Variants in ZFAT observed in about 807,000 individuals in gnomAD.
The protein encoded by ZFAT is zinc finger and AT-hook domain containing, also known as zinc finger protein ZFAT.
ZFAT carries 64 observed loss-of-function variants against 117.7 expected under a neutral mutation model. The observed-to-expected ratio is 0.54, with a 90% CI of 0.44 to 0.67. The LOEUF (loss-of-function observed/expected upper bound fraction) is 0.67, where lower values mean the gene tolerates loss of function less well. Ranked by LOEUF, ZFAT falls within the 30% of genes least tolerant of loss-of-function variation. The pLI, the probability that ZFAT is intolerant of heterozygous loss-of-function variation, is 0.00. For synonymous variants in ZFAT, 679 were observed against 615.0 expected, an observed-to-expected ratio of 1.10 and a Z score of -1.54; for missense variants, 1,433 against 1,584.5, an observed-to-expected ratio of 0.90 and a Z score of 1.62.
At position 134,509,652 on chromosome 8, in the gene ZFAT, G is replaced by T. The variant is rs1259139732; in HGVS notation, c.3459C>A (p.Ala1153=). ...HDATALASVV[A]MAPGTVTVVK... ...CCACAGTCACCGTCCCTGGTGCCAT[G>T]GCAACCACCGAGGCAAGGGCAGTGG... Residue 1153 remains alanine, a synonymous_variant, in exon 15 of 16, where the codon GCC becomes GCA. Transcript: ENST00000377838. 1.9e-6 allele frequency: 3 copies of T among 1,613,492 alleles called. No homozygotes were observed. Among genetic ancestry groups the T allele is most frequent in the East Asian group, 2.2e-5 (1 of 44,852 alleles).
At chr8:134,705,704 T>C (rs1834134476) in intron 1 of ZFAT, among the ~76,000 whole-genome samples, 2 of 151,698 alleles carry the variant, frequency 1.3e-5, no homozygotes, top group South Asian at 4.2e-4. Flanking sequence ...AATTTTTTTT[T>C]TTTTTCTAAG....
intron 2 of ZFAT, among the ~76,000 whole-genome samples, chr8:134,650,580 C>A (rs1831178812): frequency 1.3e-5 from 2 of 152,112 alleles, no homozygotes; most frequent in Admixed American, 1.3e-4. Flanking sequence ...TATGGAACTG[C>A]AAAGGACCCT....
At chr8:134,706,792 T>C (rs1355659382) in intron 1 of ZFAT, among the ~76,000 whole-genome samples, 2 of 151,724 alleles carry the variant, frequency 1.3e-5, no homozygotes. Flanking sequence ...GATGAAAAAG[T>C]TCTGTATATT....
At chr8:134,750,839 A>C in the ZFAT span, among the ~76,000 whole-genome samples, 1 of 152,224 alleles carries the variant, frequency 6.6e-6, no homozygotes, top group Non-Finnish European at 1.5e-5. Flanking sequence ...ACCAAAGGAA[A>C]ATCTTTTAAC....
At chr8:134,501,869 A>C (rs1819005482) in intron 15 of ZFAT, among the ~76,000 whole-genome samples, 1 of 152,178 alleles carries the variant, frequency 6.6e-6, no homozygotes, top group Admixed American at 6.5e-5. Flanking sequence ...AATGGGATGG[A>C]CTTCACTCAA....
At chr8:134,640,593 G>T (rs1830526213) in intron 2 of ZFAT, among the ~76,000 whole-genome samples, 1 of 152,186 alleles carries the variant, frequency 6.6e-6, no homozygotes, top group Non-Finnish European at 1.5e-5. Context: ...GCCCTGAGCA[G>T]CAGGCAGCCA....
At chr8:134,713,299 C>T (rs933915193), upstream of ZFAT, among the ~76,000 whole-genome samples, 1 of 152,240 alleles carries the variant, frequency 6.6e-6, no homozygotes, top group Non-Finnish European at 1.5e-5. Context: ...TAGCGCGACC[C>T]TAGACCCGCG....
the ZFAT span, among the ~76,000 whole-genome samples, chr8:134,783,132 CCA>C: frequency 2.0e-5 from 3 of 152,046 alleles, no homozygotes; most frequent in Admixed American, 6.6e-5. Context: ...ACTTTTTTCT[CCA>C]GTTAAAAGTT....
chr8:134,500,195 T>A (rs1818868438), intron 15 of ZFAT, among the ~76,000 whole-genome samples: 1 of 152,152 alleles, frequency 6.6e-6, no homozygotes, highest in Non-Finnish European at 1.5e-5. Flanking sequence ...GGAGGGGAGA[T>A]GTCAATTAAA....
intron 1 of ZFAT, among the ~76,000 whole-genome samples, chr8:134,670,576 C>G (rs1832509797): frequency 6.6e-6 from 1 of 152,300 alleles, no homozygotes; most frequent in Non-Finnish European, 1.5e-5. Flanking sequence ...CACAACATAC[C>G]AGAATCTCTG....
the ZFAT span, among the ~76,000 whole-genome samples, chr8:134,802,918 T>C: frequency 2.6e-5 from 4 of 152,216 alleles, no homozygotes; most frequent in Non-Finnish European, 5.9e-5. Context: ...AAGTTAGTGG[T>C]TCTTCAATAT....
chr8:134,512,892 G>C (rs1819962116), intron 13 of ZFAT, among the ~76,000 whole-genome samples: 1 of 152,212 alleles, frequency 6.6e-6, no homozygotes, highest in African/African-American at 2.4e-5. Flanking sequence ...GATTTGACCA[G>C]TTCAGATATT....
chr8:134,506,012 T>G (rs1315882428), intron 15 of ZFAT, among the ~76,000 whole-genome samples: 1 of 152,170 alleles, frequency 6.6e-6, no homozygotes, highest in Admixed American at 6.5e-5. Context: ...CATAAGAACA[T>G]CCATCAGTGA....
the ZFAT span, among the ~76,000 whole-genome samples, chr8:134,803,037 A>T: frequency 6.6e-6 from 1 of 152,198 alleles, no homozygotes; most frequent in Non-Finnish European, 1.5e-5. Context: ...TCTTTGATTC[A>T]CCTCATTAGA....
chr8:134,672,484 C>T (rs574102738), intron 1 of ZFAT, among the ~76,000 whole-genome samples: 2 of 152,112 alleles, frequency 1.3e-5, no homozygotes, highest in South Asian at 4.1e-4. Context: ...TGCAGCATAC[C>T]AACATGGCAC....
the ZFAT span, among the ~76,000 whole-genome samples, chr8:134,791,792 A>G: frequency 1.3e-5 from 2 of 152,222 alleles, no homozygotes; most frequent in Non-Finnish European, 2.9e-5. Flanking sequence ...AGCATCTCTT[A>G]CAGCTAAAAG....
rs770720471 is a variant in ZFAT at position 134,601,771 on chromosome 8, C to T, written c.1948G>A (p.Ala650Thr). ...TGCCCTTCCCCTAGGGGGCTCTGGG[C>T]GCCATGGCTTTCCTGATCTGACCCA... ...SAGSDQESHGAQSPLGEGQNM... is the reference protein window; with the variant it reads ...SAGSDQESHGTQSPLGEGQNM... The change falls in exon 6 of 16, where the codon GCC becomes ACC. Residue 650 changes from alanine to threonine, a missense_variant. Ala to Thr is a moderately conservative substitution (Grantham distance 58). Around this residue, in one of 5 missense-constraint regions of ZFAT, gnomAD observed 372 missense variants for 355.6 expected, o/e 1.05. Coordinates refer to ENST00000377838, the MANE Select transcript of ZFAT (RefSeq NM_020863.4). The T allele has an allele frequency of 5.5e-5, 88 of 1,613,852 alleles. No homozygotes were observed. Among genetic ancestry groups the T allele is most frequent in the East Asian group, 2.7e-4 (12 of 44,868 alleles).
rs138253220 is a variant in ZFAT, at chr8:134,527,752, A to G, written c.3115+5082T>C. ...AGAAAAAGAGCAAAAGGGAAAATGC[A>G]GCAGAGGAAACAAAGTGCATTTTAT... On this transcript the variant is annotated intron_variant, in intron 12 of 15. Coordinates refer to ENST00000377838, the MANE Select transcript of ZFAT (RefSeq NM_020863.4). Among the ~76,000 whole-genome samples, 119 of 152,340 alleles carry G rather than the reference A, an allele frequency of 7.8e-4. 2 individuals are homozygous for G. The Middle Eastern group carries it at 0.01, about 13-fold the overall frequency.
chr8:134,638,559 ACAAAAC>A lies in ZFAT; in HGVS notation c.197-853_197-848del, dbSNP rs1436996402. Among the ~76,000 whole-genome samples, 31 of 24,584 alleles carry A rather than the reference ACAAAAC, an allele frequency of 1.3e-3. 1 individual carries two copies. Among genetic ancestry groups the A allele is most frequent in the East Asian group, 0.012 (2 of 164 alleles). 16.1% of individuals were successfully genotyped at this position (24,584 alleles called of 152,430 possible). A position where few individuals can be genotyped will look rare whatever the true frequency, so the allele number is the denominator to read the frequency against. On this transcript the variant is annotated intron_variant, in intron 2 of 15. Coordinates refer to ENST00000377838, the MANE Select transcript of ZFAT (RefSeq NM_020863.4). Reference sequence around the variant, plus strand: ...TCTCTACTAAAAATACAAAAAAAAAACAAAACAAAAAAAAAAAACATTAACCAGGCG... The same window carrying A: ...TCTCTACTAAAAATACAAAAAAAAAAAAAAAAAAAAAACATTAACCAGGCG...
Sources: allele counts gnomAD v4.1 joint callset (sites outside exome capture counted in the v4.1 genomes callset), GRCh38; gene constraint gnomAD v4.1.1; regional missense constraint gnomAD v4.1.1; transcripts MANE v1.5; gene names NCBI Gene and HGNC (gene_info 2026-07-23, HGNC 2026-07-21).